PHLPP2: variants seen among roughly 807,000 people sequenced by gnomAD.
The protein encoded by PHLPP2 is PH domain and leucine rich repeat protein phosphatase 2.
A neutral mutation model predicts 124.9 loss-of-function variants in PHLPP2; 66 were observed. The ratio of observed to expected loss-of-function variants is 0.53; its 90% CI spans 0.43 to 0.65. The LOEUF (loss-of-function observed/expected upper bound fraction) is 0.65. PHLPP2 is among the 30% of genes least tolerant of loss of function. The pLI is 0.00. For synonymous variants in PHLPP2, 681 were observed against 624.7 expected, an observed-to-expected ratio of 1.09 and a Z score of -1.34; for missense variants, 1,685 against 1,600.4, an observed-to-expected ratio of 1.05 and a Z score of -0.90.
intron 2 of PHLPP2, among the ~76,000 whole-genome samples, chr16:71,705,803 C>A (rs547786605): frequency 6.6e-5 from 10 of 152,344 alleles, no homozygotes; most frequent in Admixed American, 3.3e-4. Flanking sequence ...AGCCACCACA[C>A]CCAGACCTCC....
chr16:71,653,903 T>TA (rs1350490448), intron 17 of PHLPP2, among the ~76,000 whole-genome samples: 1 of 151,990 alleles, frequency 6.6e-6, no homozygotes, highest in Non-Finnish European at 1.5e-5. Context: ...CTACTAAAAA[T>TA]ACAAAAAATT....
chr16:71,685,770 A>C (rs561638828), intron 4 of PHLPP2, among the ~76,000 whole-genome samples: 1 of 152,324 alleles, frequency 6.6e-6, no homozygotes, highest in Admixed American at 6.5e-5. Flanking sequence ...AGAATCATAT[A>C]ATGTCAAATA....
chr16:71,706,560 A>C (rs1336611999), intron 2 of PHLPP2, among the ~76,000 whole-genome samples: 1 of 152,220 alleles, frequency 6.6e-6, no homozygotes, highest in Non-Finnish European at 1.5e-5. Context: ...TAAAATCTGC[A>C]AATGTTAAAA....
chr16:71,686,880 A>C (rs542740444), intron 4 of PHLPP2, among the ~76,000 whole-genome samples: 1 of 152,268 alleles, frequency 6.6e-6, no homozygotes, highest in Admixed American at 6.5e-5. Context: ...AGCCATTATG[A>C]ATAAAGCTGC....
At chr16:71,719,974 T>TTTTTTTTTTTTTTTG (rs2045388050) in intron 1 of PHLPP2, among the ~76,000 whole-genome samples, 1 of 125,978 alleles carries the variant, frequency 7.9e-6, no homozygotes, top group African/African-American at 3.1e-5. Flanking sequence ...ATTTTTTTTT[T>TTTTTTTTTTTTTTTG]TTTTTTTTTT....
At chr16:71,701,294 ATCTATC>A (rs2045230574) in intron 3 of PHLPP2, among the ~76,000 whole-genome samples, 1 of 91,806 alleles carries the variant, frequency 1.1e-5, no homozygotes, top group African/African-American at 4.3e-5. Context: ...CTATCTATCT[ATCTATC>A]TATCTATCTA....
chr16:71,692,673 G>A (rs2045126720), intron 3 of PHLPP2, among the ~76,000 whole-genome samples: 1 of 152,064 alleles, frequency 6.6e-6, no homozygotes. Context: ...AAAATCCACA[G>A]ATGCTATAGT....
At chr16:71,684,335 A>G (rs554982983) in intron 5 of PHLPP2, 141 bp downstream of exon 5, 5 of 718,070 alleles carry the variant, frequency 7.0e-6, no homozygotes, top group Non-Finnish European at 1.1e-5. Flanking sequence ...CATGTTGGTC[A>G]GACTGGTCTC....
At chr16:71,696,224 C>T (rs554840851) in intron 3 of PHLPP2, among the ~76,000 whole-genome samples, 2 of 152,156 alleles carry the variant, frequency 1.3e-5, no homozygotes, top group African/African-American at 2.4e-5. Context: ...TTTTTGCAAT[C>T]GGGGAAAAGA....
At position 71,649,541 on chromosome 16, in the gene PHLPP2, G is replaced by A. The variant is rs1417858261; in HGVS notation, c.3321C>T (p.Asp1107=). 1 of 1,614,056 alleles carries A rather than the reference G, an allele frequency of 6.2e-7. No homozygotes were observed. The highest frequency in any genetic ancestry group is 1.7e-5 in the Admixed American group (1 of 60,010). ...GCTCTGGCCTCGGAAGCAAGGCAGT[G>A]TCCAGGCCCCCAGCATTATGCTCAT... ...ASDEHNAGGL[D]TALLPRPERR... is the part of the protein sequence containing the mutation. The change falls in exon 19 of 19, where the codon GAC becomes GAT. Residue 1107 remains aspartate, a synonymous_variant. Coordinates refer to ENST00000568954, the MANE Select transcript of PHLPP2 (RefSeq NM_015020.3).
chr16:71,686,620 C>G (rs4788550), intron 4 of PHLPP2, among the ~76,000 whole-genome samples: 1 of 152,060 alleles, frequency 6.6e-6, no homozygotes, highest in Non-Finnish European at 1.5e-5. Context: ...CTGGCAATCA[C>G]TGATCTGTTT....
chr16:71,675,116 G>A (rs1224502211), intron 9 of PHLPP2, among the ~76,000 whole-genome samples: 2 of 152,176 alleles, frequency 1.3e-5, no homozygotes, highest in East Asian at 1.9e-4. Context: ...TATGGTATGT[G>A]TGTGTCTCGA....
At chr16:71,712,890 G>A (rs118144272) in intron 2 of PHLPP2, among the ~76,000 whole-genome samples, 244 of 152,242 alleles carry the variant, frequency 1.6e-3, no homozygotes, top group Non-Finnish European at 2.7e-3. Flanking sequence ...TCTGTTTCAA[G>A]ACACTTTTTC....
chr16:71,686,932 A>G (rs537733454), intron 4 of PHLPP2, among the ~76,000 whole-genome samples: 1 of 152,350 alleles, frequency 6.6e-6, no homozygotes, highest in African/African-American at 2.4e-5. Flanking sequence ...ACATATGTTC[A>G]TTTCTTTTGG....
At chr16:71,664,377 T>G (rs1320175588) in intron 12 of PHLPP2, among the ~76,000 whole-genome samples, 1 of 152,214 alleles carries the variant, frequency 6.6e-6, no homozygotes, top group Non-Finnish European at 1.5e-5. Flanking sequence ...CATCTTTTAC[T>G]CTCAAACTGC....
At chr16:71,673,177 C>T (rs976530570) in intron 9 of PHLPP2, among the ~76,000 whole-genome samples, 19 of 152,084 alleles carry the variant, frequency 1.2e-4, no homozygotes, top group African/African-American at 3.6e-4. Flanking sequence ...CATATTTGTC[C>T]GTGTCTTTTG....
chr16:71,655,588 C>T (rs2044735518), intron 16 of PHLPP2, among the ~76,000 whole-genome samples, 154 bp from the exon 17 acceptor site: 1 of 151,452 alleles, frequency 6.6e-6, no homozygotes, highest in African/African-American at 2.4e-5. Context: ...CTGCAAGCTC[C>T]ACCTCCCAGG....
At position 71,724,613 on chromosome 16, in the gene PHLPP2, T is replaced by C. The variant is rs1036233039; in HGVS notation, c.-291A>G. On this transcript the variant is annotated 5_prime_UTR_variant, in exon 1 of 19. Coordinates refer to ENST00000568954, the MANE Select transcript of PHLPP2 (RefSeq NM_015020.3). ...TTTCTTTTCGTTCTCGCAGTGATAGTAGTTTTGTTGCCAATGGGCCAAATT... is the reference window on the plus strand; with the variant it reads ...TTTCTTTTCGTTCTCGCAGTGATAGCAGTTTTGTTGCCAATGGGCCAAATT... 2.0e-5 allele frequency: 3 copies of C among 152,262 alleles called. No individual in the cohort carries two copies. The highest frequency in any genetic ancestry group is 7.2e-5 in the African/African-American group (3 of 41,462). The allele number at this position is 152,262 out of a possible 1,614,324, so 9.4% of individuals were successfully genotyped here.
chr16:71,653,069 G>A (rs2044709299), intron 17 of PHLPP2, 48 bp from the exon 18 acceptor site: 1 of 1,112,540 alleles, frequency 9.0e-7, no homozygotes, highest in Non-Finnish European at 1.3e-6. Context: ...AGTTTTAGAA[G>A]AAAGTGGTGG....
Sources: gnomAD v4.1 joint callset for allele counts (sites outside exome capture counted in the v4.1 genomes callset) on GRCh38, gnomAD v4.1.1 for gene constraint, MANE v1.5 for transcripts, NCBI Gene and HGNC (gene_info 2026-07-23, HGNC 2026-07-21) for gene names.